Variants in INSL6 observed in about 807,000 individuals in gnomAD.
INSL6 encodes the protein insulin like 6.
In INSL6, 16 loss-of-function variants were observed where a neutral mutation model predicts 9.4. The observed-to-expected ratio is 1.70, with a 90% CI of 1.15 to 2.59. The LOEUF is 2.59. INSL6 is among the 30% of genes most tolerant of loss of function. The pLI, the probability that INSL6 is intolerant of heterozygous loss-of-function variation, is 0.00. For synonymous variants in INSL6, 154 were observed against 96.9 expected, an observed-to-expected ratio of 1.59 and a Z score of -3.46; for missense variants, 391 against 257.3, an observed-to-expected ratio of 1.52 and a Z score of -3.56.
At chr9:5,093,957 T>C in the INSL6 span, among the ~76,000 whole-genome samples, 1 of 152,084 alleles carries the variant, frequency 6.6e-6, no homozygotes, top group Admixed American at 6.6e-5. Flanking sequence ...CTTCATAAAG[T>C]GCCCTCCCCC....
chr9:5,106,063 G>A, the INSL6 span, among the ~76,000 whole-genome samples: 2 of 152,262 alleles, frequency 1.3e-5, no homozygotes, highest in South Asian at 4.1e-4. Flanking sequence ...ACAGACAGAT[G>A]GGATCTAATT....
the INSL6 span, chr9:5,029,701 A>G: frequency 7.9e-7 from 1 of 1,265,984 alleles, no homozygotes; most frequent in Admixed American, 2.5e-5. Context: ...TTGTTACTTT[A>G]GCTTCATTTC....
the INSL6 span, chr9:5,073,778 A>G: frequency 4.4e-6 from 7 of 1,600,736 alleles, no homozygotes; most frequent in East Asian, 1.6e-4. Flanking sequence ...GTGTCTGTGG[A>G]GACGAGAGTA....
chr9:5,068,520 T>C, the INSL6 span, among the ~76,000 whole-genome samples: 49,929 of 152,012 alleles, frequency 0.33, 8,664 homozygotes, highest in African/African-American at 0.45. Flanking sequence ...GGTTCATTGC[T>C]CAGAAGAAGT....
the INSL6 span, among the ~76,000 whole-genome samples, chr9:5,057,580 CTTT>C: frequency 0.23 from 26,859 of 116,280 alleles, 2,141 homozygotes; most frequent in South Asian, 0.27. Context: ...ATTCTACTTT[CTTT>C]TTTTTTTTTT....
At chr9:5,141,325 G>C (rs1278764186) in intron 2 of INSL6, among the ~76,000 whole-genome samples, 1 of 152,154 alleles carries the variant, frequency 6.6e-6, no homozygotes, top group Non-Finnish European at 1.5e-5. Flanking sequence ...CCTACCAGCA[G>C]TGTAAAAGTG....
At chr9:5,184,405 A>G (rs1281284616) in intron 1 of INSL6, among the ~76,000 whole-genome samples, 1 of 152,222 alleles carries the variant, frequency 6.6e-6, no homozygotes, top group Non-Finnish European at 1.5e-5. Flanking sequence ...AAAATGTCTT[A>G]GTCACAAAAT....
the INSL6 span, chr9:5,110,518 A>G: frequency 6.4e-6 from 1 of 156,180 alleles, no homozygotes; most frequent in East Asian, 1.9e-4. Flanking sequence ...AATCTCAATG[A>G]TGAACAAGAT....
At chr9:5,145,089 A>C (rs1294416195) in intron 2 of INSL6, among the ~76,000 whole-genome samples, 3 of 152,118 alleles carry the variant, frequency 2.0e-5, no homozygotes, top group African/African-American at 7.2e-5. Flanking sequence ...GTGTTTTTGT[A>C]GTGGTTGGTA....
the INSL6 span, among the ~76,000 whole-genome samples, chr9:5,092,034 T>TATC: frequency 6.6e-6 from 1 of 152,066 alleles, no homozygotes; most frequent in Non-Finnish European, 1.5e-5. Flanking sequence ...CGGAGAGGAT[T>TATC]ATCATTAATA....
chr9:5,076,027 G>C, the INSL6 span, among the ~76,000 whole-genome samples: 1 of 152,122 alleles, frequency 6.6e-6, no homozygotes, highest in Non-Finnish European at 1.5e-5. Flanking sequence ...TGCAGAGATG[G>C]TGGAAACAGA....
At chr9:5,034,670 A>G in the INSL6 span, among the ~76,000 whole-genome samples, 1 of 152,128 alleles carries the variant, frequency 6.6e-6, no homozygotes, top group African/African-American at 2.4e-5. Context: ...GGCAGAAATA[A>G]AGATGTTCTT....
At chr9:5,042,332 T>A in the INSL6 span, among the ~76,000 whole-genome samples, 1 of 149,810 alleles carries the variant, frequency 6.7e-6, no homozygotes, top group African/African-American at 2.5e-5. Flanking sequence ...AGAGACGGGG[T>A]TTCACCTTGT....
the INSL6 span, chr9:5,041,332 C>G: frequency 9.9e-6 from 7 of 704,326 alleles, no homozygotes; most frequent in Non-Finnish European, 1.7e-5. Context: ...AGCACAAGAG[C>G]TTGACAGGTA....
chr9:5,038,750 G>A, the INSL6 span, among the ~76,000 whole-genome samples: 4 of 151,948 alleles, frequency 2.6e-5, no homozygotes, highest in Non-Finnish European at 4.4e-5. Flanking sequence ...GGAGCATTTC[G>A]GATTTCAGAT....
chr9:5,042,948 C>T, the INSL6 span, among the ~76,000 whole-genome samples: 1 of 152,228 alleles, frequency 6.6e-6, no homozygotes, highest in Non-Finnish European at 1.5e-5. Flanking sequence ...CTCGAGGCAC[C>T]TGTTCCCCGA....
At chr9:5,055,710 CA>C in the INSL6 span, 1 of 1,587,846 alleles carries the variant, frequency 6.3e-7, no homozygotes, top group Non-Finnish European at 8.6e-7. Flanking sequence ...TTATTGATGT[CA>C]GTATTAAGCA....
downstream of INSL6, among the ~76,000 whole-genome samples, chr9:5,123,803 G>T (rs565763408): frequency 6.6e-6 from 1 of 151,412 alleles, no homozygotes; most frequent in Non-Finnish European, 1.5e-5. Flanking sequence ...CCACACCCTT[G>T]CCAACATCTG....
At chr9:5,161,678 T>C (rs1182467809), downstream of INSL6, among the ~76,000 whole-genome samples, 1 of 152,124 alleles carries the variant, frequency 6.6e-6, no homozygotes, top group Non-Finnish European at 1.5e-5. Context: ...GATCTTATAT[T>C]TGGAAAAATT....
Sources: allele counts gnomAD v4.1 joint callset (sites outside exome capture counted in the v4.1 genomes callset), GRCh38; gene constraint gnomAD v4.1.1; transcripts MANE v1.5; gene names NCBI Gene and HGNC (gene_info 2026-07-23, HGNC 2026-07-21).